The following CDH18 variants were observed in gnomAD, a reference collection of about 807,000 sequenced individuals.
CDH18 encodes the protein cadherin 18.
A neutral mutation model predicts 67.9 loss-of-function variants in CDH18; 31 were observed. The observed-to-expected ratio is 0.46, with a 90% confidence interval of 0.34 to 0.62. CDH18 has a LOEUF of 0.62. CDH18 is among the 20% of genes least tolerant of loss of function. CDH18 has a pLI of 0.01. For synonymous variants in CDH18, 362 were observed against 347.2 expected, an observed-to-expected ratio of 1.04 and a Z score of -0.48; for missense variants, 890 against 975.5, an observed-to-expected ratio of 0.91 and a Z score of 1.17.
At chr5:19,855,098 T>C (rs1334443929) in intron 2 of CDH18, among the ~76,000 whole-genome samples, 1 of 152,098 alleles carries the variant, frequency 6.6e-6, no homozygotes, top group African/African-American at 2.4e-5. Flanking sequence ...GGCTAAGTAA[T>C]AACCGATATT....
chr5:20,063,430 A>G (rs1475808743), intron 2 of CDH18, among the ~76,000 whole-genome samples: 1 of 152,094 alleles, frequency 6.6e-6, no homozygotes, highest in Non-Finnish European at 1.5e-5. Context: ...TGCATTATTT[A>G]TGTGCATCCC....
At chr5:19,983,867 G>A (rs1019656769) in intron 1 of CDH18, among the ~76,000 whole-genome samples, 1 of 152,046 alleles carries the variant, frequency 6.6e-6, no homozygotes, top group Non-Finnish European at 1.5e-5. Context: ...TGTAATAAGG[G>A]ATTATTTAAA....
chr5:20,153,656 G>C (rs2126580490), intron 2 of CDH18, among the ~76,000 whole-genome samples: 1 of 152,278 alleles, frequency 6.6e-6, no homozygotes, highest in South Asian at 2.1e-4. Flanking sequence ...AGCAGGGTTG[G>C]TTTCTAGAAA....
chr5:19,856,581 G>A (rs1437578946), intron 2 of CDH18, among the ~76,000 whole-genome samples: 7 of 152,036 alleles, frequency 4.6e-5, no homozygotes, highest in African/African-American at 1.7e-4. Flanking sequence ...GAATGTGAAC[G>A]GGTTTAAAAA....
intron 9 of CDH18, among the ~76,000 whole-genome samples, chr5:19,527,943 T>G (rs1747999582): frequency 6.6e-6 from 1 of 151,776 alleles, no homozygotes; most frequent in Non-Finnish European, 1.5e-5. Context: ...GCTTTAAAAT[T>G]AAAGCTGTGC....
At chr5:19,682,489 C>A (rs1760472765) in intron 5 of CDH18, among the ~76,000 whole-genome samples, 1 of 152,004 alleles carries the variant, frequency 6.6e-6, no homozygotes, top group African/African-American at 2.4e-5. Flanking sequence ...GGTACCCCAT[C>A]CTTTTCCCAT....
intron 2 of CDH18, among the ~76,000 whole-genome samples, chr5:20,046,683 T>C (rs1267776136): frequency 6.7e-6 from 1 of 149,836 alleles, no homozygotes; most frequent in Non-Finnish European, 1.5e-5. Context: ...TGTGTATATA[T>C]ATATCTCTAT....
At chr5:19,540,980 A>T (rs894597714) in intron 9 of CDH18, among the ~76,000 whole-genome samples, 7 of 151,932 alleles carry the variant, frequency 4.6e-5, no homozygotes, top group African/African-American at 1.7e-4. Flanking sequence ...TTCTTTTTCT[A>T]TCTCATCAAC....
chr5:19,769,052 AT>A (rs1015833047), intron 3 of CDH18, among the ~76,000 whole-genome samples: 2 of 152,040 alleles, frequency 1.3e-5, no homozygotes, highest in Admixed American at 6.6e-5. Flanking sequence ...TGACAAAAAA[AT>A]AAACAGCATA....
chr5:19,848,778 T>C (rs779673489), intron 2 of CDH18, among the ~76,000 whole-genome samples: 22 of 151,476 alleles, frequency 1.5e-4, no homozygotes, highest in Non-Finnish European at 2.9e-4. Flanking sequence ...ACAAAGATGA[T>C]AGCATATAAA....
chr5:20,463,408 C>T (rs1751411408), intron 1 of CDH18, among the ~76,000 whole-genome samples: 1 of 152,000 alleles, frequency 6.6e-6, no homozygotes, highest in African/African-American at 2.4e-5. Flanking sequence ...ATACCCGAGA[C>T]TGGGTAATTT....
chr5:19,628,839 T>C (rs1443929671), intron 5 of CDH18, among the ~76,000 whole-genome samples: 1 of 151,364 alleles, frequency 6.6e-6, no homozygotes, highest in East Asian at 2.0e-4. Flanking sequence ...TGAGTATGTA[T>C]AGAAAGAGGC....
Position 20,486,705 on chromosome 5 carries a change from ATG to A in CDH18, c.-580+88755_-580+88756del, listed in dbSNP as rs951073176. Among the ~76,000 whole-genome samples the A allele has an allele frequency of 9.3e-5, 14 of 149,774 alleles. No individual in the cohort carries two copies. In the South Asian group the frequency reaches 2.7e-3, roughly 29 times the overall value. ...TGTATATATATATATATATACATAT[ATG>A]TGTGTGTGTGTATGTGTGTGTGTGT... is the stretch of plus-strand genomic sequence containing the variant. On this transcript the variant is annotated intron_variant, in intron 1 of 14. Coordinates refer to the CDH18 transcript ENST00000507958.
chr5:20,326,714 A>AT (rs531373561), intron 1 of CDH18, among the ~76,000 whole-genome samples: 42 of 151,090 alleles, frequency 2.8e-4, no homozygotes, highest in African/African-American at 9.2e-4. Context: ...AATTTTTTGT[A>AT]TTTTTTTTAG....
At chr5:19,581,327 T>G (rs902517875) in intron 7 of CDH18, among the ~76,000 whole-genome samples, 3 of 152,008 alleles carry the variant, frequency 2.0e-5, no homozygotes, top group African/African-American at 7.2e-5. Context: ...TCCTCTAATA[T>G]TAATCCATTT....
intron 5 of CDH18, among the ~76,000 whole-genome samples, chr5:19,653,660 C>G (rs373064088): frequency 6.6e-6 from 1 of 152,114 alleles, no homozygotes; most frequent in Non-Finnish European, 1.5e-5. Flanking sequence ...AAAGATCCCC[C>G]CAGGCCATCT....
chr5:19,962,600 C>T (rs1444033100), intron 2 of CDH18, among the ~76,000 whole-genome samples: 2 of 151,508 alleles, frequency 1.3e-5, no homozygotes, highest in African/African-American at 4.9e-5. Flanking sequence ...ATGGTGAAAC[C>T]CTGTCTCTAC....
At chr5:20,276,690 G>T (rs1168454903) in intron 1 of CDH18, among the ~76,000 whole-genome samples, 1 of 152,166 alleles carries the variant, frequency 6.6e-6, no homozygotes, top group East Asian at 1.9e-4. Flanking sequence ...TGACCACAAG[G>T]TATAGAGCAC....
chr5:20,305,793 C>A, intron 1 of CDH18: 1 of 253,808 alleles, frequency 3.9e-6, no homozygotes. Flanking sequence ...ACCCCCAAAA[C>A]CAATTCGAAA....
Sources: gnomAD v4.1 joint callset for allele counts (sites outside exome capture counted in the v4.1 genomes callset) on GRCh38, gnomAD v4.1.1 for gene constraint, MANE v1.5 for transcripts, NCBI Gene and HGNC (gene_info 2026-07-23, HGNC 2026-07-21) for gene names.